RASA1: variants seen among roughly 807,000 people sequenced by gnomAD.
RASA1 encodes the protein ras GTPase-activating protein 1.
A neutral mutation model predicts 132.2 loss-of-function variants in RASA1; 25 were observed. The observed-to-expected ratio is 0.19, with a 90% CI of 0.14 to 0.26. RASA1 has a LOEUF of 0.26. RASA1 is among the 10% of genes least tolerant of loss of function. The pLI, the probability that RASA1 is intolerant of heterozygous loss-of-function variation, is 1.00. For missense variants in RASA1, 964 were observed against 1,299.2 expected (o/e 0.74, Z 3.97); for synonymous variants, 477 against 449.9 (o/e 1.06, Z -0.76).
At chr5:87,381,151 T>C (rs1014483338) in intron 20 of RASA1, among the ~76,000 whole-genome samples, 1 of 152,192 alleles carries the variant, frequency 6.6e-6, no homozygotes, top group Non-Finnish European at 1.5e-5. Flanking sequence ...TGGCAAATCA[T>C]GGAATTTGGG....
intron 1 of RASA1, among the ~76,000 whole-genome samples, chr5:87,294,982 C>A (rs1755057148): frequency 6.6e-6 from 1 of 152,102 alleles, no homozygotes; most frequent in Admixed American, 6.5e-5. Context: ...TTATGTATTT[C>A]CTCTTGAAGT....
At chr5:87,300,602 T>C (rs1001536829) in intron 1 of RASA1, among the ~76,000 whole-genome samples, 19 of 152,330 alleles carry the variant, frequency 1.2e-4, no homozygotes, top group Middle Eastern at 6.8e-3. Context: ...TGAAACATGA[T>C]AGAATAAAGT....
intron 8 of RASA1, among the ~76,000 whole-genome samples, chr5:87,351,630 G>C (rs1443647770): frequency 6.6e-6 from 1 of 151,690 alleles, no homozygotes; most frequent in African/African-American, 2.4e-5. Flanking sequence ...AAATCTGTCT[G>C]ATTTCATGGC....
rs377484237 is a variant in RASA1 at position 87,347,453 on chromosome 5, C to T, written c.1102+729C>T. On this transcript the variant is annotated intron_variant, in intron 7 of 24. Transcript: ENST00000274376. ...CGAGCATTTCTTTGGCAAACCACAT[C>T]TTATAAAGATTTCAGACAAGTTTAA... Among the ~76,000 whole-genome samples, 8 of 152,052 alleles carry T rather than the reference C, an allele frequency of 5.3e-5. No individual in the cohort carries two copies. In the East Asian group the frequency reaches 1.2e-3, roughly 22 times the overall value.
At position 87,268,154 on chromosome 5, in the gene RASA1, C is replaced by T; in HGVS notation, c.-298C>T. The T allele has an allele frequency of 2.3e-6, 1 of 437,304 alleles. No homozygotes were observed. The highest frequency in any genetic ancestry group is 4.0e-6 in the Non-Finnish European group (1 of 248,170). The allele number at this position is 437,304 out of a possible 1,614,324, so 27.1% of individuals were successfully genotyped here. ...CTCTTTAGTGCAGCGAGGAAGTTTTCGCTTCTGTACATGTGTTTGTGTGCG... is the reference window on the plus strand; with the variant it reads ...CTCTTTAGTGCAGCGAGGAAGTTTTTGCTTCTGTACATGTGTTTGTGTGCG... On this transcript the variant is annotated 5_prime_UTR_variant, in exon 1 of 25. Coordinates refer to ENST00000274376, the MANE Select transcript of RASA1 (RefSeq NM_002890.3).
At chr5:87,271,774 C>A (rs959205637) in intron 1 of RASA1, among the ~76,000 whole-genome samples, 7 of 151,792 alleles carry the variant, frequency 4.6e-5, no homozygotes, top group African/African-American at 1.7e-4. Context: ...CCGCGCCTGG[C>A]CCAATAGACT....
rs1580325598 is a variant in RASA1, at chr5:87,349,211, C to T, written c.1103-3C>T. On this transcript the variant is annotated splice_region_variant and splice_polypyrimidine_tract_variant and intron_variant, in intron 7 of 24. Transcript: ENST00000274376. ...GGAAAAACTAACAGCTTAATTCTTACAGTTGGTCAAGTCTGCAGTTTTCTT... is the reference window on the plus strand; with the variant it reads ...GGAAAAACTAACAGCTTAATTCTTATAGTTGGTCAAGTCTGCAGTTTTCTT... 1.2e-6 allele frequency: 2 copies of T among 1,611,326 alleles called. No homozygotes were observed. Among genetic ancestry groups the T allele is most frequent in the Non-Finnish European group, 1.7e-6 (2 of 1,178,158 alleles).
intron 1 of RASA1, 133 bp from the exon 2 acceptor site, chr5:87,331,215 T>C: frequency 9.5e-7 from 1 of 1,056,176 alleles, no homozygotes; most frequent in Non-Finnish European, 1.5e-6. Flanking sequence ...TTGGAATAAC[T>C]GGTTCAGAGT....
At chr5:87,302,726 A>G (rs2112287757) in intron 1 of RASA1, among the ~76,000 whole-genome samples, 1 of 150,688 alleles carries the variant, frequency 6.6e-6, no homozygotes, top group Non-Finnish European at 1.5e-5. Context: ...AGCATCCTAG[A>G]TATCTTTTTG....
intron 19 of RASA1, among the ~76,000 whole-genome samples, chr5:87,380,229 T>C (rs534008788): frequency 1.3e-5 from 2 of 152,280 alleles, no homozygotes; most frequent in East Asian, 3.9e-4. Context: ...AGAAGTTAAC[T>C]TAAGTCTAAA....
chr5:87,335,065 A>G (rs1322250995), intron 4 of RASA1, among the ~76,000 whole-genome samples: 2 of 152,126 alleles, frequency 1.3e-5, no homozygotes, highest in African/African-American at 4.8e-5. Context: ...GTAATTTAGT[A>G]GAGATGGGGT....
intron 1 of RASA1, among the ~76,000 whole-genome samples, chr5:87,295,488 G>GTT (rs1212326811): frequency 1.2e-4 from 18 of 150,286 alleles, no homozygotes; most frequent in Admixed American, 8.0e-4. Context: ...GAGCACACCA[G>GTT]TTATATATAT....
chr5:87,343,631 T>C (rs1298289708), intron 6 of RASA1, among the ~76,000 whole-genome samples: 1 of 152,118 alleles, frequency 6.6e-6, no homozygotes, highest in East Asian at 1.9e-4. Flanking sequence ...GGAATGTAAA[T>C]GAGTGCAGTT....
chr5:87,367,379 C>G (rs1760602730), intron 11 of RASA1, among the ~76,000 whole-genome samples: 1 of 152,160 alleles, frequency 6.6e-6, no homozygotes, highest in Admixed American at 6.5e-5. Context: ...ACACATAGAA[C>G]CTGATATGCT....
intron 1 of RASA1, among the ~76,000 whole-genome samples, chr5:87,275,968 C>T (rs1049720987): frequency 5.9e-5 from 9 of 152,238 alleles, no homozygotes; most frequent in African/African-American, 2.2e-4. Flanking sequence ...GTTCCTCATC[C>T]TTGCTAATGT....
rs527751283 is a variant in RASA1 at position 87,338,411 on chromosome 5, A to C, written c.1017+320A>C. ...CAGTGGCGTGATCTCGGCTCACTGC[A>C]ACCTCCACCTCCCAGGTTCAAGCAT... is the stretch of plus-strand genomic sequence containing the variant. On this transcript the variant is annotated intron_variant, in intron 5 of 24. Coordinates refer to ENST00000274376, the MANE Select transcript of RASA1 (RefSeq NM_002890.3). Among the ~76,000 whole-genome samples the C allele has an allele frequency of 1.9e-3, 280 of 148,526 alleles. 1 individual carries two copies. Among genetic ancestry groups the C allele is most frequent in the Non-Finnish European group, 2.3e-3 (155 of 67,252 alleles).
chr5:87,322,974 A>G (rs188742520), intron 1 of RASA1, among the ~76,000 whole-genome samples: 139 of 152,292 alleles, frequency 9.1e-4, no homozygotes, highest in African/African-American at 3.0e-3. Flanking sequence ...ATGTTGATAT[A>G]TTCACCTTAA....
chr5:87,313,259 A>G (rs114759904), intron 1 of RASA1, among the ~76,000 whole-genome samples: 1,728 of 152,268 alleles, frequency 0.011, 16 homozygotes, highest in Non-Finnish European at 0.016. Context: ...AGCTAATCTA[A>G]TATCTTTGAG....
At chr5:87,346,508 A>G (rs1191955279) in intron 6 of RASA1, among the ~76,000 whole-genome samples, 164 bp from the exon 7 acceptor site, 1 of 151,978 alleles carries the variant, frequency 6.6e-6, no homozygotes, top group Non-Finnish European at 1.5e-5. Context: ...TAAGTATAAT[A>G]TGTATATAAA....
Sources: allele counts gnomAD v4.1 joint callset (sites outside exome capture counted in the v4.1 genomes callset), GRCh38; gene constraint gnomAD v4.1.1; transcripts MANE v1.5; gene names NCBI Gene and HGNC (gene_info 2026-07-23, HGNC 2026-07-21).